RPRD1A: variants seen among roughly 807,000 people sequenced by gnomAD.
The protein encoded by RPRD1A is regulation of nuclear pre-mRNA domain containing 1A, also known as regulation of nuclear pre-mRNA domain-containing protein 1A.
Under a neutral mutation model 37.8 loss-of-function variants are expected in RPRD1A, and 9 were observed. The ratio of observed to expected loss-of-function variants is 0.24; its 90% CI spans 0.14 to 0.42. RPRD1A has a LOEUF of 0.42. RPRD1A is among the 10% of genes least tolerant of loss of function. The probability of loss-of-function intolerance (pLI) is 1.00; values close to 1 mark genes in which losing one functional copy is unlikely to be tolerated. For missense variants in RPRD1A, 255 were observed against 371.0 expected (o/e 0.69, Z 2.57); for synonymous variants, 138 against 139.7 (o/e 0.99, Z 0.08).
intron 1 of RPRD1A, chr18:36,063,042 C>T (rs1406281284): frequency 6.6e-6 from 1 of 152,028 alleles, no homozygotes; most frequent in African/African-American, 2.4e-5. Flanking sequence ...TTCACAAAGG[C>T]CTTGAAGTTT....
chr18:36,050,264 G>T (rs1245069116), intron 1 of RPRD1A, among the ~76,000 whole-genome samples: 4 of 151,818 alleles, frequency 2.6e-5, no homozygotes, highest in Non-Finnish European at 4.4e-5. Context: ...AAAAAACAGG[G>T]TCTCACTCTG....
intron 6 of RPRD1A, among the ~76,000 whole-genome samples, chr18:36,024,714 T>C (rs1911241213): frequency 6.6e-6 from 1 of 152,188 alleles, no homozygotes; most frequent in Admixed American, 6.5e-5. Flanking sequence ...ACACAATAGA[T>C]GAAAATTACT....
At chr18:36,009,072 A>T (rs1051582659) in intron 6 of RPRD1A, among the ~76,000 whole-genome samples, 7 of 151,720 alleles carry the variant, frequency 4.6e-5, no homozygotes, top group African/African-American at 1.5e-4. Flanking sequence ...TTTTTGTATT[A>T]ACTATTTCCT....
chr18:36,064,591 T>C (rs377246068), intron 1 of RPRD1A, among the ~76,000 whole-genome samples: 13 of 152,080 alleles, frequency 8.5e-5, no homozygotes, highest in African/African-American at 2.7e-4. Context: ...AATGCAACAA[T>C]CAGTGCTGTG....
chr18:36,064,853 ACACT>A (rs2088993783), intron 1 of RPRD1A, among the ~76,000 whole-genome samples: 2 of 152,240 alleles, frequency 1.3e-5, no homozygotes, highest in South Asian at 4.1e-4. Context: ...ATGAGCTGTA[ACACT>A]CACCGCGAAG....
rs781114893 is a variant in RPRD1A, at chr18:35,993,204, T to C, written c.886A>G (p.Thr296Ala). The C allele has an allele frequency of 1.2e-6, 2 of 1,614,170 alleles. No homozygotes were observed. Among genetic ancestry groups the C allele is most frequent in the African/African-American group, 1.3e-5 (1 of 75,050 alleles). ...AAGGGCAGGTGCATGTGGCTGCCAG[T>C]GACATTGGGCAATCGAGATAAGTCT... Reference protein sequence around the residue: ...LPDLSRLPNVTGSHMHLPFAG... With the variant: ...LPDLSRLPNVAGSHMHLPFAG... The change falls in exon 7 of 7, where the codon ACT becomes GCT. Residue 296 changes from threonine (T) to alanine (A), a missense_variant. Physicochemically the swap from Thr to Ala is moderately conservative, Grantham distance 58 (BLOSUM62 0). This residue lies in a region of RPRD1A where 211 missense variants were observed against 268.9 expected (regional missense o/e 0.78). Transcript: ENST00000399022.
chr18:36,004,807 G>A (rs1033170658), intron 6 of RPRD1A, among the ~76,000 whole-genome samples: 1 of 152,158 alleles, frequency 6.6e-6, no homozygotes, highest in Admixed American at 6.5e-5. Context: ...GGAGGCTGAG[G>A]CAGGAGAATC....
chr18:36,030,914 A>G lies in RPRD1A; in HGVS notation c.389-9T>C. 1 of 1,605,734 alleles carries G rather than the reference A, an allele frequency of 6.2e-7. No individual in the cohort carries two copies. Among genetic ancestry groups the G allele is most frequent in the Non-Finnish European group, 8.5e-7 (1 of 1,174,600 alleles). On this transcript the variant is annotated splice_polypyrimidine_tract_variant and intron_variant, in intron 3 of 6. Coordinates refer to ENST00000399022, the MANE Select transcript of RPRD1A (RefSeq NM_018170.5). ...AGGCTTCTTATCACCATCTGAAATG[A>G]AAGAACATTTAAGTATTAATGAAAG...
intron 1 of RPRD1A, chr18:36,040,829 T>C (rs1250637333): frequency 6.6e-7 from 1 of 1,524,462 alleles, no homozygotes; most frequent in Admixed American, 2.0e-5. Flanking sequence ...TTTGACAAAA[T>C]CTCCAATTGG....
At chr18:36,010,148 T>C (rs1391977350) in intron 6 of RPRD1A, among the ~76,000 whole-genome samples, 2 of 152,116 alleles carry the variant, frequency 1.3e-5, no homozygotes, top group Non-Finnish European at 2.9e-5. Flanking sequence ...TTCTAACATA[T>C]ATTCTCTTTT....
chr18:36,035,607 C>T (rs2144313516), intron 1 of RPRD1A, among the ~76,000 whole-genome samples: 1 of 152,206 alleles, frequency 6.6e-6, no homozygotes, highest in South Asian at 2.1e-4. Context: ...AAAGATAAAA[C>T]AATGCAAAAC....
intron 1 of RPRD1A, among the ~76,000 whole-genome samples, chr18:36,052,166 A>AG (rs1913444999): frequency 6.6e-6 from 1 of 151,526 alleles, no homozygotes; most frequent in South Asian, 2.1e-4. Context: ...CAGAAAAAAA[A>AG]AAAAACTGTC....
intron 1 of RPRD1A, among the ~76,000 whole-genome samples, chr18:36,064,764 C>T (rs1210933009): frequency 6.6e-6 from 1 of 152,196 alleles, no homozygotes; most frequent in Non-Finnish European, 1.5e-5. Flanking sequence ...GCGTCCACTT[C>T]CCTGCTGTTG....
chr18:36,028,297 A>C (rs763145060), intron 4 of RPRD1A: 3 of 152,110 alleles, frequency 2.0e-5, no homozygotes, highest in Non-Finnish European at 4.4e-5. Flanking sequence ...AATGAATGAA[A>C]CTAATAAGAA....
intron 6 of RPRD1A, among the ~76,000 whole-genome samples, chr18:36,019,748 C>A (rs1910864027): frequency 1.3e-5 from 2 of 152,128 alleles, no homozygotes; most frequent in Admixed American, 1.3e-4. Context: ...ATGTCAAGAA[C>A]CTGTTGGACG....
At chr18:36,042,577 T>C (rs62101400) in intron 1 of RPRD1A, among the ~76,000 whole-genome samples, 17,616 of 152,264 alleles carry the variant, frequency 0.12, 1,254 homozygotes, top group East Asian at 0.25. Flanking sequence ...TTAGCACTCA[T>C]TCGTACGTTT....
chr18:36,026,732 T>C (rs1911394383), intron 6 of RPRD1A, 168 bp downstream of exon 6: 4 of 496,854 alleles, frequency 8.1e-6, no homozygotes, highest in African/African-American at 2.0e-5. Context: ...ATTAATTTGG[T>C]TCAAGTAGAA....
chr18:36,060,748 T>C (rs2088892512), intron 1 of RPRD1A, among the ~76,000 whole-genome samples: 1 of 152,178 alleles, frequency 6.6e-6, no homozygotes, highest in African/African-American at 2.4e-5. Context: ...ACATAGCTTA[T>C]TGAAAAAGTG....
At chr18:36,033,072 G>A (rs1230677512) in intron 2 of RPRD1A, among the ~76,000 whole-genome samples, 8 of 152,044 alleles carry the variant, frequency 5.3e-5, no homozygotes, top group Non-Finnish European at 1.0e-4. Context: ...GGGAGGCCGA[G>A]GCAGGTGGAT....
Sources: gnomAD v4.1 joint callset for allele counts (sites outside exome capture counted in the v4.1 genomes callset) on GRCh38, gnomAD v4.1.1 for gene constraint, gnomAD v4.1.1 regional missense constraint, MANE v1.5 for transcripts, NCBI Gene and HGNC (gene_info 2026-07-23, HGNC 2026-07-21) for gene names.